The following ZNF148 variants were observed in gnomAD, a reference collection of about 807,000 sequenced individuals.
The protein encoded by ZNF148 is zinc finger protein 148.
A neutral mutation model predicts 67.7 loss-of-function variants in ZNF148; 7 were observed. The observed-to-expected ratio is 0.10, with a 90% CI of 0.06 to 0.19. ZNF148 has a LOEUF of 0.19. Among genes scored for constraint, ZNF148 ranks in the 10% least tolerant of loss-of-function variants. ZNF148 has a pLI of 1.00. For synonymous variants in ZNF148, 333 were observed against 330.7 expected (o/e 1.01, Z -0.08); for missense variants, 583 against 947.1 (o/e 0.62, Z 5.05).
At chr3:125,359,608 A>G (rs1456039458) in intron 1 of ZNF148, among the ~76,000 whole-genome samples, 1 of 152,228 alleles carries the variant, frequency 6.6e-6, no homozygotes, top group Non-Finnish European at 1.5e-5. Context: ...CTCTTTACTT[A>G]TGCAAGTTTT....
At chr3:125,286,370 T>C (rs756119807) in intron 5 of ZNF148, among the ~76,000 whole-genome samples, 2 of 152,134 alleles carry the variant, frequency 1.3e-5, no homozygotes, top group Non-Finnish European at 2.9e-5. Context: ...ATTTAAACTA[T>C]AATGAGGCTC....
intron 7 of ZNF148, among the ~76,000 whole-genome samples, chr3:125,249,368 T>C (rs919539973): frequency 2.0e-5 from 3 of 152,106 alleles, no homozygotes; most frequent in African/African-American, 7.2e-5. Flanking sequence ...AGGACCTGAA[T>C]ATACATTTTT....
Position 125,362,770 on chromosome 3 carries a change from G to C in ZNF148, c.-234+12332C>G, listed in dbSNP as rs916078622. Among the ~76,000 whole-genome samples, 3 of 152,010 alleles carry C rather than the reference G, an allele frequency of 2.0e-5. No individual in the cohort carries two copies. The South Asian group carries it at 6.2e-4, about 32-fold the overall frequency. On this transcript the variant is annotated intron_variant, in intron 1 of 8. Coordinates refer to ENST00000360647, the MANE Select transcript of ZNF148 (RefSeq NM_021964.3). ...AGGTTTCATCATGTTGCCCAGCATG[G>C]TCTCGAACTCCTGAGCTCAAGCAAT...
Position 125,290,471 on chromosome 3 carries a change from T to C in ZNF148, c.334-2243A>G, listed in dbSNP as rs149570474. On this transcript the variant is annotated intron_variant, in intron 4 of 8. Transcript: ENST00000360647. ...AATGACTTGCTTTATCAAGACTTATTTCTCACCCCAAAATAAAGTCTTACT... is the reference window on the plus strand; with the variant it reads ...AATGACTTGCTTTATCAAGACTTATCTCTCACCCCAAAATAAAGTCTTACT... 9.6e-4 allele frequency among the ~76,000 whole-genome samples: 146 copies of C among 152,316 alleles called. 1 individual carries two copies. The highest frequency in any genetic ancestry group is 3.0e-3 in the African/African-American group (126 of 41,572).
chr3:125,310,692 A>G (rs1273713436), intron 4 of ZNF148, among the ~76,000 whole-genome samples: 9 of 152,202 alleles, frequency 5.9e-5, no homozygotes, highest in Non-Finnish European at 1.0e-4. Flanking sequence ...GAAAATATCA[A>G]TAAAATAAGC....
At chr3:125,310,048 C>T (rs1574955) in intron 4 of ZNF148, among the ~76,000 whole-genome samples, 16,204 of 151,192 alleles carry the variant, frequency 0.11, 2,857 homozygotes, top group African/African-American at 0.37. Flanking sequence ...AAACAACACA[C>T]TTCTAAACAA....
At chr3:125,297,871 C>T (rs191219329) in intron 4 of ZNF148, among the ~76,000 whole-genome samples, 1 of 152,236 alleles carries the variant, frequency 6.6e-6, no homozygotes, top group Admixed American at 6.5e-5. Context: ...AAGTATATAA[C>T]CAACAGAAAT....
At chr3:125,359,888 A>C (rs1451455981) in intron 1 of ZNF148, among the ~76,000 whole-genome samples, 1 of 152,148 alleles carries the variant, frequency 6.6e-6, no homozygotes, top group Non-Finnish European at 1.5e-5. Context: ...CCCACCCGCC[A>C]CCATGCAGCT....
At chr3:125,302,417 A>G (rs190639711) in intron 4 of ZNF148, among the ~76,000 whole-genome samples, 2 of 152,170 alleles carry the variant, frequency 1.3e-5, no homozygotes, top group East Asian at 3.9e-4. Context: ...AAAAAAGTAC[A>G]TTAATGAAAC....
intron 7 of ZNF148, among the ~76,000 whole-genome samples, chr3:125,248,994 ATC>A: frequency 6.6e-6 from 1 of 152,242 alleles, no homozygotes; most frequent in South Asian, 2.1e-4. Context: ...TAAAGCTTAA[ATC>A]TCTATTCTTG....
chr3:125,275,186 A>C (rs1333759602), intron 7 of ZNF148, among the ~76,000 whole-genome samples: 1 of 152,202 alleles, frequency 6.6e-6, no homozygotes, highest in African/African-American at 2.4e-5. Context: ...TAGGGAGGGA[A>C]CAATAGGGCA....
chr3:125,322,404 A>AG (rs2107691897), intron 3 of ZNF148, among the ~76,000 whole-genome samples: 1 of 151,642 alleles, frequency 6.6e-6, no homozygotes, highest in Admixed American at 6.6e-5. Context: ...TCTCCTTCTT[A>AG]TGCAGTAATA....
chr3:125,373,058 C>T (rs185735629), intron 1 of ZNF148, among the ~76,000 whole-genome samples: 8 of 151,966 alleles, frequency 5.3e-5, no homozygotes, highest in Admixed American at 3.9e-4. Context: ...ATTAAAAGAA[C>T]AGATAATATA....
intron 1 of ZNF148, among the ~76,000 whole-genome samples, chr3:125,352,282 A>C (rs1942181319): frequency 6.6e-6 from 1 of 152,218 alleles, no homozygotes; most frequent in African/African-American, 2.4e-5. Context: ...AAAAGAAGCC[A>C]GACAAAAAAG....
At chr3:125,349,454 C>G (rs1438555911) in intron 1 of ZNF148, among the ~76,000 whole-genome samples, 1 of 152,120 alleles carries the variant, frequency 6.6e-6, no homozygotes, top group African/African-American at 2.4e-5. Context: ...ACAACATACA[C>G]AAGGCCAACA....
intron 7 of ZNF148, among the ~76,000 whole-genome samples, chr3:125,256,352 A>G (rs1937076852): frequency 1.4e-5 from 2 of 139,448 alleles, no homozygotes; most frequent in Admixed American, 7.3e-5. Context: ...TGGGTCAAAG[A>G]GCGAGACTCC....
At chr3:125,279,678 T>C (rs1272708130) in intron 5 of ZNF148, among the ~76,000 whole-genome samples, 1 of 151,942 alleles carries the variant, frequency 6.6e-6, no homozygotes, top group African/African-American at 2.4e-5. Context: ...TTTAATATTA[T>C]GTGGTTGTGA....
At chr3:125,321,493 G>A (rs943364573) in intron 3 of ZNF148, among the ~76,000 whole-genome samples, 1 of 152,008 alleles carries the variant, frequency 6.6e-6, no homozygotes, top group Non-Finnish European at 1.5e-5. Flanking sequence ...CCACACTGAA[G>A]CCCCTCTCAA....
chr3:125,349,224 A>G (rs563753233), intron 1 of ZNF148, among the ~76,000 whole-genome samples: 1 of 152,344 alleles, frequency 6.6e-6, no homozygotes, highest in African/African-American at 2.4e-5. Context: ...AAAAACAGAC[A>G]AGTGAGATTA....
Sources: allele counts gnomAD v4.1 joint callset (sites outside exome capture counted in the v4.1 genomes callset), GRCh38; gene constraint gnomAD v4.1.1; transcripts MANE v1.5; gene names NCBI Gene and HGNC (gene_info 2026-07-23, HGNC 2026-07-21).